ELP1: variants seen among roughly 807,000 people sequenced by gnomAD.
ELP1 encodes elongator complex protein 1.
In ELP1, 131 loss-of-function variants were observed where a neutral mutation model predicts 183.2. That is an observed-to-expected ratio of 0.72 (90% CI 0.62 to 0.83). ELP1 has a LOEUF of 0.83. Ranked by LOEUF, ELP1 falls within the 40% of genes least tolerant of loss-of-function variation. The pLI is 0.00. For synonymous variants in ELP1, 555 were observed against 569.0 expected (o/e 0.98, Z 0.35); for missense variants, 1,550 against 1,594.9 (o/e 0.97, Z 0.48).
At position 108,868,723 on chromosome 9, in the gene ELP1, T is replaced by C. The variant is rs10979577; in HGVS notation, c.*392A>G. On this transcript the variant is annotated 3_prime_UTR_variant, in exon 37 of 37. Transcript: ENST00000374647. ...TACATTTGACCAAATGTAGCACTAA[T>C]AGCCATTGTAATCTTCTCCGCCAAC... The C allele has an allele frequency of 0.015, 8,144 of 545,376 alleles. 251 individuals carry two copies. The highest frequency in any genetic ancestry group is 0.11 in the East Asian group (3,815 of 34,868). The allele number at this position is 545,376 out of a possible 1,614,324, so 33.8% of individuals were successfully genotyped here.
Position 108,933,222 on chromosome 9 carries a change from A to C in ELP1, c.-56+642T>G, listed in dbSNP as rs575175248. 3.9e-5 allele frequency among the ~76,000 whole-genome samples: 6 copies of C among 152,220 alleles called. No individual in the cohort carries two copies. In the South Asian group the frequency reaches 1.2e-3, roughly 32 times the overall value. ...CACTATTTGGGGACAGACCATTTCT[A>C]CTCTATGTCCCCAAGCTGAAAAACT... On this transcript the variant is annotated intron_variant, in intron 1 of 36. Transcript: ENST00000374647.
At chr9:108,918,247 T>C (rs756704253) in intron 8 of ELP1, among the ~76,000 whole-genome samples, 3 of 152,166 alleles carry the variant, frequency 2.0e-5, no homozygotes, top group Non-Finnish European at 2.9e-5. Flanking sequence ...AGGAGATACA[T>C]CTTCTATCTA....
At chr9:108,913,356 C>A (rs1276263219) in intron 10 of ELP1, among the ~76,000 whole-genome samples, 1 of 152,174 alleles carries the variant, frequency 6.6e-6, no homozygotes, top group Non-Finnish European at 1.5e-5. Flanking sequence ...ATCCTTCCAA[C>A]ATCTATTAAG....
intron 29 of ELP1, among the ~76,000 whole-genome samples, chr9:108,888,308 GA>G (rs1232369938): frequency 6.6e-6 from 1 of 152,192 alleles, no homozygotes; most frequent in Non-Finnish European, 1.5e-5. Context: ...AAATGTTCTA[GA>G]TCATGAGTGC....
chr9:108,919,705 A>T lies in ELP1; in HGVS notation c.553-356T>A, dbSNP rs1248265051. On this transcript the variant is annotated intron_variant, in intron 6 of 36. Transcript: ENST00000374647. Reference sequence around the variant, plus strand: ...AAGTGTTCCATTTGTCCAACAGGGTAGAGTTTTGTTTACATATTGTGTAAG... The same window carrying T: ...AAGTGTTCCATTTGTCCAACAGGGTTGAGTTTTGTTTACATATTGTGTAAG... Among the ~76,000 whole-genome samples the T allele has an allele frequency of 2.0e-5, 3 of 152,150 alleles. No homozygotes were observed. In the South Asian group the frequency reaches 6.2e-4, roughly 32 times the overall value.
intron 29 of ELP1, among the ~76,000 whole-genome samples, chr9:108,885,993 C>CCTTG (rs1452275865): frequency 6.6e-6 from 1 of 152,202 alleles, no homozygotes; most frequent in Non-Finnish European, 1.5e-5. Flanking sequence ...CTGAAGAAGA[C>CCTTG]CTTGGCCCAT....
At chr9:108,882,825 T>C (rs1827984004) in intron 29 of ELP1, among the ~76,000 whole-genome samples, 1 of 152,124 alleles carries the variant, frequency 6.6e-6, no homozygotes, top group African/African-American at 2.4e-5. Flanking sequence ...ACTCCTAGCC[T>C]CAAGCAATCC....
chr9:108,918,786 C>G (rs1171560503), intron 8 of ELP1, 25 bp downstream of exon 8: 7 of 1,560,348 alleles, frequency 4.5e-6, no homozygotes, highest in Admixed American at 3.3e-5. Flanking sequence ...CCAAGAATTT[C>G]TCTAAGGTTT....
At chr9:108,902,436 T>TCA (rs149931793) in intron 16 of ELP1, among the ~76,000 whole-genome samples, 31 of 152,318 alleles carry the variant, frequency 2.0e-4, no homozygotes, top group African/African-American at 7.5e-4. Context: ...CAGGAATTAG[T>TCA]CAAGCGGTTT....
At chr9:108,881,601 A>G in intron 31 of ELP1, 104 bp downstream of exon 31, 2 of 760,744 alleles carry the variant, frequency 2.6e-6, no homozygotes, top group Admixed American at 3.9e-5. Context: ...TTGAGTCTAC[A>G]TGACATATTA....
chr9:108,930,884 G>T, intron 2 of ELP1, 113 bp downstream of exon 2: 1 of 978,954 alleles, frequency 1.0e-6, no homozygotes, highest in South Asian at 1.3e-5. Flanking sequence ...ATGTTTATTT[G>T]GGAGGATATA....
intron 33 of ELP1, among the ~76,000 whole-genome samples, chr9:108,879,030 A>C (rs1384507656): frequency 6.6e-6 from 1 of 152,242 alleles, no homozygotes; most frequent in African/African-American, 2.4e-5. Flanking sequence ...AATATTTCTG[A>C]CAAATTACTA....
In ELP1 at chr9:108,868,368, A is replaced by C. The variant is rs1258007082; in HGVS notation, c.*747T>G. The C allele has an allele frequency of 5.0e-6, 1 of 199,170 alleles. No homozygotes were observed. The highest frequency in any genetic ancestry group is 1.0e-5 in the Non-Finnish European group (1 of 99,690). The allele number at this position is 199,170 out of a possible 1,614,324, so 12.3% of individuals were successfully genotyped here. ...ACTAACAAAAATATCTGAGTTAAAG[A>C]AACAGTATTTGGAGAACAGAGAATA... On this transcript the variant is annotated 3_prime_UTR_variant, in exon 37 of 37. Coordinates refer to ENST00000374647, the MANE Select transcript of ELP1 (RefSeq NM_003640.5).
Position 108,897,151 on chromosome 9 carries a change from T to C in ELP1, c.2498A>G (p.His833Arg), listed in dbSNP as rs201714373. The change falls in exon 23 of 37, where the codon CAT (histidine) becomes CGT (arginine). Residue 833 changes from histidine to arginine, a missense_variant. Physicochemically the swap from His to Arg is conservative, Grantham distance 29 (BLOSUM62 0). Transcript: ENST00000374647. ...MRAVMESINP[H>R]KYCLSILTSH... ...CACCTGGTGACAGCATACATACTTA[T>C]GAGGATTTATGCTCTCCATGACTGC... 2.5e-6 allele frequency: 4 copies of C among 1,614,166 alleles called. No individual in the cohort carries two copies. The highest frequency in any genetic ancestry group is 2.2e-5 in the East Asian group (1 of 44,880).
intron 16 of ELP1, among the ~76,000 whole-genome samples, chr9:108,902,303 C>T (rs1316257301): frequency 6.6e-6 from 1 of 152,240 alleles, no homozygotes; most frequent in South Asian, 2.1e-4. Flanking sequence ...TCATAGCCAC[C>T]ATCCTCAAAT....
chr9:108,878,440 C>T (rs1275465509), intron 34 of ELP1, among the ~76,000 whole-genome samples, 183 bp downstream of exon 34: 1 of 152,196 alleles, frequency 6.6e-6, no homozygotes, highest in Non-Finnish European at 1.5e-5. Context: ...GAAGGCTTCT[C>T]AGTTACCAGC....
At chr9:108,898,444 T>C in intron 22 of ELP1, 58 bp downstream of exon 22, 3 of 1,137,984 alleles carry the variant, frequency 2.6e-6, no homozygotes, top group Non-Finnish European at 3.9e-6. Context: ...CTTGATTTCC[T>C]TAACAAGAAG....
intron 9 of ELP1, among the ~76,000 whole-genome samples, chr9:108,916,670 A>C (rs1829446163): frequency 6.6e-6 from 1 of 152,228 alleles, no homozygotes; most frequent in Admixed American, 6.5e-5. Flanking sequence ...GTTATAAATA[A>C]ATATTGAAAA....
chr9:108,890,534 T>C (rs1167201458), intron 28 of ELP1, among the ~76,000 whole-genome samples: 1 of 152,196 alleles, frequency 6.6e-6, no homozygotes, highest in Admixed American at 6.5e-5. Context: ...TCTGCTCATC[T>C]CTTTTCATAG....
Sources: allele counts gnomAD v4.1 joint callset (sites outside exome capture counted in the v4.1 genomes callset), GRCh38; gene constraint gnomAD v4.1.1; transcripts MANE v1.5; gene names NCBI Gene and HGNC (gene_info 2026-07-23, HGNC 2026-07-21).